The following LAMC2 variants were observed in gnomAD, a reference collection of about 807,000 sequenced individuals.
LAMC2 encodes laminin subunit gamma-2.
Under a neutral mutation model 140.2 loss-of-function variants are expected in LAMC2, and 97 were observed. The ratio of observed to expected loss-of-function variants is 0.69; its 90% confidence interval spans 0.59 to 0.82. The LOEUF (loss-of-function observed/expected upper bound fraction) is 0.82, where lower values mean the gene tolerates loss of function less well. Among genes scored for constraint, LAMC2 ranks in the 40% least tolerant of loss-of-function variants. The pLI is 0.00. For synonymous variants in LAMC2, 513 were observed against 540.2 expected, an observed-to-expected ratio of 0.95 and a Z score of 0.70; for missense variants, 1,402 against 1,476.1, an observed-to-expected ratio of 0.95 and a Z score of 0.82.
In LAMC2 at chr1:183,236,719, T is replaced by C; in HGVS notation, c.2601+115T>C. 3 of 1,225,488 alleles carry C rather than the reference T, an allele frequency of 2.4e-6. No homozygotes were observed. In the South Asian group the frequency reaches 3.7e-5, roughly 15 times the overall value. The allele number at this position is 1,225,488 out of a possible 1,614,324, so 75.9% of individuals were successfully genotyped here. On this transcript the variant is annotated intron_variant, in intron 17 of 22. Transcript: ENST00000264144. ...GCTTTTTCTCCATGTTGACCATTTCTGTTTTAGAGTGGGAAGAGTATTTAG... is the reference window on the plus strand; with the variant it reads ...GCTTTTTCTCCATGTTGACCATTTCCGTTTTAGAGTGGGAAGAGTATTTAG...
At chr1:183,212,733 A>G (rs1381676646) in intron 2 of LAMC2, among the ~76,000 whole-genome samples, 1 of 152,212 alleles carries the variant, frequency 6.6e-6, no homozygotes, top group Non-Finnish European at 1.5e-5. Flanking sequence ...TCAAGTTCAT[A>G]TACCCAAAAC....
intron 2 of LAMC2, 146 bp from the exon 3 acceptor site, chr1:183,215,307 C>T (rs184593616): frequency 1.3e-5 from 11 of 845,182 alleles, no homozygotes; most frequent in African/African-American, 6.7e-5. Flanking sequence ...GACACGCAGG[C>T]GATGTGAAGT....
intron 6 of LAMC2, among the ~76,000 whole-genome samples, chr1:183,222,586 TA>T (rs67525678): frequency 0.19 from 27,151 of 146,636 alleles, 2,678 homozygotes; most frequent in African/African-American, 0.28. Context: ...ACCTGTAAGT[TA>T]AAAAAAAAAA....
Position 183,215,503 on chromosome 1 carries a change from G to C in LAMC2, c.319G>C (p.Gly107Arg), listed in dbSNP as rs137923204. 4 of 1,614,064 alleles carry C rather than the reference G, an allele frequency of 2.5e-6. No homozygotes were observed. The African/African-American group carries it at 5.3e-5, about 22-fold the overall frequency. ...DNSGRCSCKP[G>R]VTGARCDRCL... ...CTCCGGACGGTGCAGCTGTAAACCA[G>C]GTGTGACAGGAGCCAGATGCGACCG... The change falls in exon 3 of 23, where the codon GGT (glycine) becomes CGT (arginine). Residue 107 changes from glycine (G) to arginine (R), a missense_variant. Physicochemically the swap from Gly to Arg is moderately radical, Grantham distance 125. This residue lies in a region of LAMC2 where 723 missense variants were observed against 783.3 expected (regional missense o/e 0.92). Transcript: ENST00000264144.
rs141806165 is a variant in LAMC2, at chr1:183,220,830, G to T, written c.509G>T (p.Arg170Leu). Residue 170 changes from arginine (R) to leucine (L), a missense_variant, in exon 5 of 23, where the codon CGA becomes CTA. Physicochemically the swap from Arg to Leu is moderately radical, Grantham distance 102. This residue lies in a region of LAMC2 where 723 missense variants were observed against 783.3 expected (regional missense o/e 0.92). Coordinates refer to ENST00000264144, the MANE Select transcript of LAMC2 (RefSeq NM_005562.3). Reference sequence around the variant, plus strand: ...TTTCTACAATGCCACTGCAGGTGTCGATCAGGTTACTATAATCTGGATGGG... The same window carrying T: ...TTTCTACAATGCCACTGCAGGTGTCTATCAGGTTACTATAATCTGGATGGG... ...AVTGERCDRCRSGYYNLDGGN... is the reference protein window; with the variant it reads ...AVTGERCDRCLSGYYNLDGGN... 254 of 1,613,832 alleles carry T rather than the reference G, an allele frequency of 1.6e-4. No homozygotes were observed. In the African/African-American group the frequency reaches 2.9e-3, roughly 19 times the overall value.
downstream of LAMC2, among the ~76,000 whole-genome samples, chr1:183,247,734 A>G (rs985414982): frequency 6.6e-6 from 1 of 152,212 alleles, no homozygotes; most frequent in African/African-American, 2.4e-5. Context: ...AGGGTGTGTG[A>G]TATGACTGAA....
At chr1:183,230,158 C>T (rs1196440480) in intron 11 of LAMC2, among the ~76,000 whole-genome samples, 2 of 152,190 alleles carry the variant, frequency 1.3e-5, no homozygotes, top group Non-Finnish European at 2.9e-5. Flanking sequence ...TTACACCACA[C>T]ATTTCTTCAC....
In LAMC2 at chr1:183,220,852, TG is replaced by T. The variant is rs745512079; in HGVS notation, c.537del (p.Asn180ThrfsTer67). ...GTCGATCAGGTTACTATAATCTGGA[TG>T]GGGGGAACCCTGAGGGCTGTACCCA... is the stretch of plus-strand genomic sequence containing the variant. ...RCRSGYYNLD[G>X]GNPEGCTQCF... is the part of the protein sequence containing the mutation. On this transcript the variant is annotated frameshift_variant, in exon 5 of 23. Coordinates refer to ENST00000264144, the MANE Select transcript of LAMC2 (RefSeq NM_005562.3). LOFTEE classifies it high-confidence loss of function. 1.9e-6 allele frequency: 3 copies of T among 1,614,014 alleles called. No homozygotes were observed. The highest frequency in any genetic ancestry group is 1.7e-6 in the Non-Finnish European group (2 of 1,179,838).
chr1:183,226,828 C>T lies in LAMC2; in HGVS notation c.1197C>T (p.Gly399=), dbSNP rs1659640818. The T allele has an allele frequency of 6.2e-7, 1 of 1,614,082 alleles. No individual in the cohort carries two copies. Among genetic ancestry groups the T allele is most frequent in the African/African-American group, 1.3e-5 (1 of 74,928 alleles). ...AATTCTGCCAGGATTGTGCTTCTGGCTACAAGAGAGATTCAGCGAGACTGG... is the reference window on the plus strand; with the variant it reads ...AATTCTGCCAGGATTGTGCTTCTGGTTACAAGAGAGATTCAGCGAGACTGG... ...KGQFCQDCAS[G]YKRDSARLGP... Residue 399 remains glycine, a synonymous_variant, in exon 9 of 23, where the codon GGC becomes GGT. Transcript: ENST00000264144.
chr1:183,246,475 T>A (rs982197945), downstream of LAMC2, among the ~76,000 whole-genome samples: 1 of 152,146 alleles, frequency 6.6e-6, no homozygotes, highest in African/African-American at 2.4e-5. Context: ...CCTCTGAGAG[T>A]TTATGGTTAA....
intron 16 of LAMC2, 72 bp from the exon 17 acceptor site, chr1:183,236,388 C>CAAA: frequency 2.3e-5 from 25 of 1,093,066 alleles, no homozygotes; most frequent in Non-Finnish European, 2.9e-5. Flanking sequence ...AACCCTGTCT[C>CAAA]AAAAAAAAAA....
intron 4 of LAMC2, among the ~76,000 whole-genome samples, chr1:183,219,373 A>G (rs1659395131): frequency 7.2e-6 from 1 of 139,320 alleles, no homozygotes; most frequent in Non-Finnish European, 1.5e-5. Flanking sequence ...TAATTTCAAA[A>G]TAAAAGACAG....
In LAMC2 at chr1:183,225,632, T is replaced by C. The variant is rs2102228094; in HGVS notation, c.978T>C (p.Asn326=). ...TFRLNEHPSN[N]WSPQLSYFEY... ...GGTTAAATGAGCATCCAAGCAATAATTGGAGCCCCCAGCTGAGTTACTTTG... is the reference window on the plus strand; with the variant it reads ...GGTTAAATGAGCATCCAAGCAATAACTGGAGCCCCCAGCTGAGTTACTTTG... Residue 326 remains asparagine, a synonymous_variant, in exon 8 of 23, where the codon AAT becomes AAC. Coordinates refer to ENST00000264144, the MANE Select transcript of LAMC2 (RefSeq NM_005562.3). The C allele has an allele frequency of 3.1e-6, 5 of 1,613,872 alleles. No individual in the cohort carries two copies. Among genetic ancestry groups the C allele is most frequent in the East Asian group, 2.2e-5 (1 of 44,882 alleles).
intron 20 of LAMC2, chr1:183,239,807 G>A (rs1660075099): frequency 6.2e-6 from 4 of 643,932 alleles, no homozygotes; most frequent in African/African-American, 5.5e-5. Context: ...GCATTGAACT[G>A]AGAGAGAAGC....
chr1:183,215,397 C>G (rs1659219489), intron 2 of LAMC2, 56 bp from the exon 3 acceptor site: 2 of 1,602,878 alleles, frequency 1.2e-6, no homozygotes, highest in Non-Finnish European at 1.7e-6. Context: ...TCCAATGCCG[C>G]ATACATTAAA....
the LAMC2 span, among the ~76,000 whole-genome samples, chr1:183,255,485 A>G: frequency 1.3e-5 from 2 of 152,088 alleles, no homozygotes; most frequent in East Asian, 1.9e-4. Flanking sequence ...TAGGTATTTC[A>G]TTAAATCTTT....
intron 2 of LAMC2, among the ~76,000 whole-genome samples, chr1:183,210,441 A>T (rs1429983913): frequency 1.3e-5 from 2 of 152,188 alleles, no homozygotes; most frequent in Admixed American, 6.5e-5. Context: ...TTGTGAATTG[A>T]TGTAGTTGTT....
chr1:183,221,950 C>A, intron 5 of LAMC2, 139 bp from the exon 6 acceptor site: 1 of 1,009,372 alleles, frequency 9.9e-7, no homozygotes, highest in Non-Finnish European at 1.6e-6. Flanking sequence ...TTTTAAGGAC[C>A]ATTTGCAAAT....
chr1:183,231,249 C>A, intron 12 of LAMC2, 146 bp downstream of exon 12: 1 of 965,182 alleles, frequency 1.0e-6, no homozygotes, highest in Non-Finnish European at 1.6e-6. Flanking sequence ...AAAATTGCTG[C>A]ATTAAAAAAA....
Sources: allele counts gnomAD v4.1 joint callset (sites outside exome capture counted in the v4.1 genomes callset), GRCh38; gene constraint gnomAD v4.1.1; regional missense constraint gnomAD v4.1.1; transcripts MANE v1.5; gene names NCBI Gene and HGNC (gene_info 2026-07-23, HGNC 2026-07-21).